Variants in PEX6 observed in about 807,000 individuals in gnomAD.
PEX6 encodes peroxisomal biogenesis factor 6.
A neutral mutation model predicts 85.6 loss-of-function variants in PEX6; 55 were observed. The ratio of observed to expected loss-of-function variants is 0.64; its 90% CI spans 0.52 to 0.80. The LOEUF (loss-of-function observed/expected upper bound fraction) is 0.80. Among genes scored for constraint, PEX6 ranks in the 30% least tolerant of loss-of-function variants. The pLI, the probability that PEX6 is intolerant of heterozygous loss-of-function variation, is 0.00. For missense variants in PEX6, 1,099 were observed against 1,260.3 expected (o/e 0.87, Z 1.94); for synonymous variants, 519 against 549.1 (o/e 0.95, Z 0.77).
At position 42,978,972 on chromosome 6, in the gene PEX6, G is replaced by T; in HGVS notation, c.179C>A (p.Pro60Gln). Residue 60 changes from proline (P) to glutamine (Q), a missense_variant, in exon 1 of 17, where the codon CCG (proline) becomes CAG (glutamine). Pro to Gln is a moderately conservative substitution (Grantham distance 76, BLOSUM62 -1). This residue lies in a region of PEX6 where 579 missense variants were observed against 611.6 expected (regional missense o/e 0.95). Transcript: ENST00000304611. ...ACCCTGCTCTTCGGTGCCCGCGTCC[G>T]GCCCCTCCAGGGCTGCCACCAGCAG... is the stretch of plus-strand genomic sequence containing the variant. ...PALLVAALEG[P>Q]DAGTEEQGPG... 6.7e-7 allele frequency: 1 copy of T among 1,500,298 alleles called. No homozygotes were observed. The highest frequency in any genetic ancestry group is 2.1e-5 in the Admixed American group (1 of 46,568). 92.9% of individuals were successfully genotyped at this position (1,500,298 alleles called of 1,614,324 possible). A position where few individuals can be genotyped will look rare whatever the true frequency, so the allele number is the denominator to read the frequency against.
chr6:42,969,976 A>T lies in PEX6; in HGVS notation c.1142T>A (p.Met381Lys), dbSNP rs750786529. The T allele has an allele frequency of 1.2e-6, 2 of 1,614,088 alleles. No individual in the cohort carries two copies. Among genetic ancestry groups the T allele is most frequent in the Non-Finnish European group, 1.7e-6 (2 of 1,179,984 alleles). ...SPEKLPRWRE[M>K]FFKVKKTVGE... ...AACTGTTTTCTTCACTTTAAAAAACATTTCCCGCCACCTGCAGGAAAAAGG... is the reference window on the plus strand; with the variant it reads ...AACTGTTTTCTTCACTTTAAAAAACTTTTCCCGCCACCTGCAGGAAAAAGG... Residue 381 changes from methionine (M) to lysine (K), a missense_variant, in exon 4 of 17, where the codon ATG becomes AAG. Coordinates refer to ENST00000304611, the MANE Select transcript of PEX6 (RefSeq NM_000287.4).
At chr6:42,968,607 G>T in intron 6 of PEX6, 109 bp from the exon 7 acceptor site, 1 of 1,026,704 alleles carries the variant, frequency 9.7e-7, no homozygotes, top group Non-Finnish European at 1.5e-6. Flanking sequence ...TCTCTGGAGG[G>T]CAGGGACAGG....
At chr6:42,975,712 G>GTTTT (rs1186126396) in intron 1 of PEX6, among the ~76,000 whole-genome samples, 3 of 140,658 alleles carry the variant, frequency 2.1e-5, no homozygotes, top group Non-Finnish European at 3.1e-5. Context: ...ACATGATTTA[G>GTTTT]TTTTTTTTTT....
Position 42,965,929 on chromosome 6 carries a change from G to A in PEX6, c.2362+115C>T. 7.2e-7 allele frequency: 1 copy of A among 1,394,658 alleles called. No homozygotes were observed. Among genetic ancestry groups the A allele is most frequent in the Non-Finnish European group, 1.0e-6 (1 of 983,900 alleles). The allele number at this position is 1,394,658 out of a possible 1,614,324, so 86.4% of individuals were successfully genotyped here. A position where few individuals can be genotyped will look rare whatever the true frequency, so the allele number is the denominator to read the frequency against. ...ACTAGACCCAGCTGGGCAGGAACCT[G>A]ACTTGTAGAAAGGAGGATTAGGAAT... On this transcript the variant is annotated intron_variant, in intron 12 of 16. Coordinates refer to ENST00000304611, the MANE Select transcript of PEX6 (RefSeq NM_000287.4). The surrounding 1 kb of genome is among the most constrained non-coding windows in gnomAD (Gnocchi z 5.0).
In PEX6 at chr6:42,964,450, G is replaced by A; in HGVS notation, c.2828C>T (p.Ala943Val). The change falls in exon 17 of 17, where the codon GCA (alanine) becomes GTA (valine). Residue 943 changes from alanine to valine, a missense_variant. Physicochemically the swap from Ala to Val is moderately conservative, Grantham distance 64. Around this residue, in one of 3 missense-constraint regions of PEX6, gnomAD observed 514 missense variants for 627.0 expected, o/e 0.82. Transcript: ENST00000304611. The surrounding 1 kb of genome is among the most constrained non-coding windows in gnomAD (Gnocchi z 4.6). Reference protein sequence around the residue: ...LEEGLEPGSSALMLTMEDLLQ... With the variant: ...LEEGLEPGSSVLMLTMEDLLQ... Reference sequence around the variant, plus strand: ...CAAGTCCTCCATGGTGAGCATCAGTGCTGAGCTACCTGGCTCCAGCCCTGG... The same window carrying A: ...CAAGTCCTCCATGGTGAGCATCAGTACTGAGCTACCTGGCTCCAGCCCTGG... 6.2e-7 allele frequency: 1 copy of A among 1,613,774 alleles called. No homozygotes were observed. The highest frequency in any genetic ancestry group is 8.5e-7 in the Non-Finnish European group (1 of 1,180,008).
intron 6 of PEX6, 58 bp from the exon 7 acceptor site, chr6:42,968,556 G>C: frequency 2.8e-6 from 4 of 1,428,516 alleles, no homozygotes; most frequent in Non-Finnish European, 3.9e-6. Context: ...AAGGGCAGGA[G>C]AATCAGGGGA....
rs748621080 is a variant in PEX6, at chr6:42,966,778, T to G, written c.1961+4A>C. The G allele has an allele frequency of 1.2e-6, 2 of 1,613,948 alleles. No homozygotes were observed. The highest frequency in any genetic ancestry group is 3.3e-5 in the Admixed American group (2 of 59,994). On this transcript the variant is annotated splice_donor_region_variant and intron_variant, in intron 9 of 16. Coordinates refer to ENST00000304611, the MANE Select transcript of PEX6 (RefSeq NM_000287.4). ...CCGCCTTTCCGGTGCCCACGTCCTC[T>G]TACCCTGAGTTCTTGATCCTGGTGC...
At chr6:42,975,095 C>G in intron 1 of PEX6, 57 bp from the exon 2 acceptor site, 1 of 1,409,092 alleles carries the variant, frequency 7.1e-7, no homozygotes, top group Non-Finnish European at 1.0e-6. Context: ...AGGCTCTAAC[C>G]TGTCTCTCAG....
intron 2 of PEX6, among the ~76,000 whole-genome samples, chr6:42,974,340 G>C (rs3749910): frequency 6.6e-6 from 1 of 151,814 alleles, no homozygotes; most frequent in East Asian, 1.9e-4. Context: ...TTTAATCACA[G>C]GTGTCTCTGT....
At chr6:42,967,651 A>G in intron 7 of PEX6, 88 bp from the exon 8 acceptor site, 1 of 1,217,166 alleles carries the variant, frequency 8.2e-7, no homozygotes, top group Non-Finnish European at 1.2e-6. Context: ...ACAGAAGGGC[A>G]GGGAAGTGAG....
At position 42,974,059 on chromosome 6, in the gene PEX6, A is replaced by T. The variant is rs1478799269; in HGVS notation, c.1074T>A (p.Cys358Ter). ...PRVVQEGDVLCVPTIGQVEIL... is the reference protein window; with the variant it reads ...PRVVQEGDVL The stretch of plus-strand genomic sequence containing the variant: ...TCTCTACTTGCCCAATTGTTGGCAC[A>T]CATAGAACATCCCCTTCCTGGACTA... The change falls in exon 3 of 17, where the codon TGT (cysteine) becomes TGA (stop). Residue 358 changes from cysteine to a stop codon, truncating the protein, a stop_gained. Coordinates refer to ENST00000304611, the MANE Select transcript of PEX6 (RefSeq NM_000287.4). LOFTEE classifies it high-confidence loss of function. 1 of 1,614,042 alleles carries T rather than the reference A, an allele frequency of 6.2e-7. No individual in the cohort carries two copies. Among genetic ancestry groups the T allele is most frequent in the East Asian group, 2.2e-5 (1 of 44,888 alleles).
At position 42,978,693 on chromosome 6, in the gene PEX6, G is replaced by C; in HGVS notation, c.458C>G (p.Thr153Ser). Residue 153 changes from threonine (T) to serine (S), a missense_variant, in exon 1 of 17, where the codon ACT becomes AGT. By Grantham distance (58) the Thr-to-Ser change is moderately conservative. Around this residue, in one of 3 missense-constraint regions of PEX6, gnomAD observed 579 missense variants for 611.6 expected, o/e 0.95. Transcript: ENST00000304611. ...GCGGAGCTCAGTCACAGCCAGCCGA[G>C]TCCCTGGGCCCAGCAGCCCTTGCAA... ...PALQGLLGPG[T>S]RLAVTELRGR... 1 of 1,551,124 alleles carries C rather than the reference G, an allele frequency of 6.4e-7. No individual in the cohort carries two copies. The highest frequency in any genetic ancestry group is 1.2e-5 in the South Asian group (1 of 85,694).
Position 42,979,172 on chromosome 6 carries a change from A to C in PEX6, c.-22T>G, listed in dbSNP as rs1455528799. The C allele has an allele frequency of 3.2e-6, 5 of 1,569,692 alleles. No individual in the cohort carries two copies. In the South Asian group the frequency reaches 5.7e-5, roughly 18 times the overall value. ...CCATGGTGACAGGACACCAACGAGGAGGGTGAAGGAGCGCAGCTTCCGGAG... is the reference window on the plus strand; with the variant it reads ...CCATGGTGACAGGACACCAACGAGGCGGGTGAAGGAGCGCAGCTTCCGGAG... On this transcript the variant is annotated 5_prime_UTR_variant, in exon 1 of 17. Transcript: ENST00000304611.
At chr6:42,968,208 C>T (rs923150686) in intron 7 of PEX6, 82 bp downstream of exon 7, 3 of 1,219,568 alleles carry the variant, frequency 2.5e-6, no homozygotes, top group Non-Finnish European at 3.6e-6. Context: ...CCTCGGCCTC[C>T]CAATGTGCTG....
intron 5 of PEX6, 35 bp from the exon 6 acceptor site, chr6:42,969,020 T>C (rs1769957331): frequency 6.8e-7 from 1 of 1,474,022 alleles, no homozygotes; most frequent in Admixed American, 1.7e-5. Context: ...TCTCCTTCAT[T>C]TTGCCCAAAC....
rs200890726 is a variant in PEX6, at chr6:42,974,558, C to T, written c.1046+317G>A. 2.0e-4 allele frequency among the ~76,000 whole-genome samples: 29 copies of T among 148,590 alleles called. 1 individual carries two copies. In the East Asian group the frequency reaches 4.8e-3, roughly 24 times the overall value. On this transcript the variant is annotated intron_variant, in intron 2 of 16. Transcript: ENST00000304611. Reference sequence around the variant, plus strand: ...CTGCAAGCTCCACCTCCCGGGTTCACGCCATTCTCCTGCCTCAGCCTCCCA... The same window carrying T: ...CTGCAAGCTCCACCTCCCGGGTTCATGCCATTCTCCTGCCTCAGCCTCCCA...
Position 42,965,404 on chromosome 6 carries a change from G to T in PEX6, c.2472-36C>A. ...GGGAGCAAGGGCAAGAGTCCTTGGT[G>T]TCCCCCTTAGACTCTGCCCCTGCCT... On this transcript the variant is annotated intron_variant, in intron 13 of 16. Coordinates refer to ENST00000304611, the MANE Select transcript of PEX6 (RefSeq NM_000287.4). The surrounding 1 kb of genome is among the most constrained non-coding windows in gnomAD (Gnocchi z 5.0). 1 of 1,459,328 alleles carries T rather than the reference G, an allele frequency of 6.9e-7. No individual in the cohort carries two copies. Among genetic ancestry groups the T allele is most frequent in the Non-Finnish European group, 9.6e-7 (1 of 1,040,244 alleles). 90.4% of individuals were successfully genotyped at this position (1,459,328 alleles called of 1,614,324 possible).
chr6:42,968,328 C>T lies in PEX6; in HGVS notation c.1650G>A (p.Val550=). The change falls in exon 7 of 17, where the codon GTG becomes GTA. Residue 550 remains valine (V), a synonymous_variant. Coordinates refer to ENST00000304611, the MANE Select transcript of PEX6 (RefSeq NM_000287.4). ...CCTCATTGAGGAGGAGGTGACGCAG[C>T]ACAGCCATCACACGGGCATCCTCAC... ...GLGEDARVMA[V]LRHLLLNEDP... is the part of the protein sequence containing the mutation. The T allele has an allele frequency of 6.2e-7, 1 of 1,614,130 alleles. No individual in the cohort carries two copies. Among genetic ancestry groups the T allele is most frequent in the Non-Finnish European group, 8.5e-7 (1 of 1,180,032 alleles).
intron 4 of PEX6, 41 bp downstream of exon 4, chr6:42,969,844 C>G: frequency 6.2e-7 from 1 of 1,614,094 alleles, no homozygotes; most frequent in Non-Finnish European, 8.5e-7. Context: ...AAAATCGTTT[C>G]TACCCCCTGC....
Sources: allele counts gnomAD v4.1 joint callset (sites outside exome capture counted in the v4.1 genomes callset), GRCh38; gene constraint gnomAD v4.1.1; regional missense constraint gnomAD v4.1.1; non-coding constraint Gnocchi (gnomAD v3.1); transcripts MANE v1.5; gene names NCBI Gene and HGNC (gene_info 2026-07-23, HGNC 2026-07-21).